Variants in TTC7B observed in about 807,000 individuals in gnomAD.
The protein encoded by TTC7B is tetratricopeptide repeat domain 7B, also known as tetratricopeptide repeat protein 7B.
In TTC7B, 28 loss-of-function variants were observed where a neutral mutation model predicts 106.8. The observed-to-expected ratio is 0.26, with a 90% CI of 0.19 to 0.36. The LOEUF (loss-of-function observed/expected upper bound fraction) is 0.36, where lower values mean the gene tolerates loss of function less well. Among genes scored for constraint, TTC7B ranks in the 10% least tolerant of loss-of-function variants. The probability of loss-of-function intolerance (pLI) is 1.00; values close to 1 mark genes in which losing one functional copy is unlikely to be tolerated. For missense variants in TTC7B, 862 were observed against 1,076.4 expected (o/e 0.80, Z 2.79); for synonymous variants, 405 against 430.6 (o/e 0.94, Z 0.74).
intron 5 of TTC7B, among the ~76,000 whole-genome samples, chr14:90,711,441 C>T (rs375002735): frequency 3.3e-5 from 5 of 152,030 alleles, no homozygotes; most frequent in Non-Finnish European, 5.9e-5. Context: ...TTTTTTCTCC[C>T]GATGGAGTCT....
intron 15 of TTC7B, among the ~76,000 whole-genome samples, chr14:90,627,215 G>A (rs1484697517): frequency 6.6e-6 from 1 of 151,992 alleles, no homozygotes; most frequent in Non-Finnish European, 1.5e-5. Flanking sequence ...TGAACTCCCG[G>A]GCTCAAGAGA....
chr14:90,560,332 C>T (rs1337240635), intron 19 of TTC7B, among the ~76,000 whole-genome samples: 1 of 152,204 alleles, frequency 6.6e-6, no homozygotes, highest in African/African-American at 2.4e-5. Flanking sequence ...AAGGGACATA[C>T]TGGCATCAGC....
intron 19 of TTC7B, among the ~76,000 whole-genome samples, chr14:90,545,796 C>T (rs980378411): frequency 3.3e-5 from 5 of 152,222 alleles, no homozygotes; most frequent in Admixed American, 6.5e-5. Context: ...AGAGAACCAA[C>T]CCCGAGGGGC....
intron 9 of TTC7B, among the ~76,000 whole-genome samples, chr14:90,670,180 T>C (rs1489205641): frequency 1.3e-5 from 2 of 152,362 alleles, no homozygotes; most frequent in South Asian, 2.1e-4. Context: ...TTCTGATTAA[T>C]GCCATCAGAT....
rs1892732262 is a variant in TTC7B at position 90,608,329 on chromosome 14, G to A, written c.1966+2413C>T. On this transcript the variant is annotated intron_variant, in intron 17 of 19. Transcript: ENST00000328459. This position sits in a 1 kb window ranked among gnomAD's most constrained non-coding sequence, Gnocchi z 5.1. ...TGGCCTTCCATTTTTCTGATTCCCT[G>A]GTCTCTTGGTTAAATTGTCGGCGTG... Among the ~76,000 whole-genome samples, 1 of 152,094 alleles carries A rather than the reference G, an allele frequency of 6.6e-6. No individual in the cohort carries two copies. The highest frequency in any genetic ancestry group is 6.6e-5 in the Admixed American group (1 of 15,262).
intron 19 of TTC7B, among the ~76,000 whole-genome samples, chr14:90,567,059 T>TCCAGGG (rs1890830519): frequency 6.6e-6 from 1 of 152,190 alleles, no homozygotes; most frequent in Admixed American, 6.5e-5. Context: ...AGGGGTGGTC[T>TCCAGGG]CCAGGGCCAG....
intron 18 of TTC7B, among the ~76,000 whole-genome samples, chr14:90,589,307 C>T (rs566794778): frequency 4.1e-4 from 63 of 152,214 alleles, no homozygotes; most frequent in African/African-American, 1.5e-3. Flanking sequence ...GGTTCTGGGA[C>T]CTCCCTTGAA....
At chr14:90,592,814 C>T (rs1452003094) in intron 18 of TTC7B, among the ~76,000 whole-genome samples, 1 of 152,126 alleles carries the variant, frequency 6.6e-6, no homozygotes, top group African/African-American at 2.4e-5. Flanking sequence ...AAGGGGCACT[C>T]ATGCCCCCCT....
intron 1 of TTC7B, among the ~76,000 whole-genome samples, chr14:90,796,993 G>C (rs746739127): frequency 7.3e-5 from 11 of 150,960 alleles, no homozygotes; most frequent in Non-Finnish European, 3.0e-5. Flanking sequence ...TTACAGGCGC[G>C]CACCACCACA....
chr14:90,815,592 C>T (rs1023703254), intron 1 of TTC7B, among the ~76,000 whole-genome samples: 5 of 152,084 alleles, frequency 3.3e-5, no homozygotes, highest in Non-Finnish European at 5.9e-5. Context: ...GCTACTTCTC[C>T]GAACGCCAGG....
chr14:90,606,643 G>A (rs1232678205), intron 17 of TTC7B, among the ~76,000 whole-genome samples: 2 of 152,218 alleles, frequency 1.3e-5, no homozygotes, highest in Non-Finnish European at 2.9e-5. Flanking sequence ...GGACCTATGA[G>A]ATGGCAGAGG....
rs765652089 is a variant in TTC7B at position 90,541,323 on chromosome 14, G to A, written c.*45C>T. ...ATGGCACAAGCCCTGGTGCCCGGCA[G>A]GGCCTCTGAGGCCTGAGCGGCAGGT... On this transcript the variant is annotated 3_prime_UTR_variant, in exon 20 of 20. Transcript: ENST00000328459. 49 of 1,526,828 alleles carry A rather than the reference G, an allele frequency of 3.2e-5. No individual in the cohort carries two copies. The highest frequency in any genetic ancestry group is 7.6e-5 in the Admixed American group (4 of 52,662). The allele number at this position is 1,526,828 out of a possible 1,614,324, so 94.6% of individuals were successfully genotyped here.
At chr14:90,673,894 A>G (rs1277605453) in intron 9 of TTC7B, among the ~76,000 whole-genome samples, 1 of 151,400 alleles carries the variant, frequency 6.6e-6, no homozygotes, top group Non-Finnish European at 1.5e-5. Context: ...GTATCCATAG[A>G]AAAAAAAAGC....
At chr14:90,542,147 G>T (rs1889625932) in intron 19 of TTC7B, among the ~76,000 whole-genome samples, 1 of 152,172 alleles carries the variant, frequency 6.6e-6, no homozygotes, top group Non-Finnish European at 1.5e-5. Context: ...CACCATGTTA[G>T]CCAGGATGGT....
At chr14:90,573,675 C>T (rs932400814) in intron 19 of TTC7B, among the ~76,000 whole-genome samples, 2 of 152,082 alleles carry the variant, frequency 1.3e-5, no homozygotes, top group South Asian at 2.1e-4. Flanking sequence ...CGGTCCCTCT[C>T]GGCCCACAGG....
Position 90,629,275 on chromosome 14 carries a change from T to C in TTC7B, c.1752-11230A>G, listed in dbSNP as rs150232226. 7.2e-3 allele frequency among the ~76,000 whole-genome samples: 1,103 copies of C among 152,358 alleles called. 21 individuals carry two copies. The highest frequency in any genetic ancestry group is 0.025 in the African/African-American group (1,021 of 41,586). On this transcript the variant is annotated intron_variant, in intron 15 of 19. Transcript: ENST00000328459. Reference sequence around the variant, plus strand: ...TTCTTTTTTTTTAAATAGTAAACTTTCCTTACTTTAAAATGCAACCATTAC... The same window carrying C: ...TTCTTTTTTTTTAAATAGTAAACTTCCCTTACTTTAAAATGCAACCATTAC...
At chr14:90,648,961 C>T (rs1885595558) in intron 13 of TTC7B, 1 of 152,182 alleles carries the variant, frequency 6.6e-6, no homozygotes, top group East Asian at 1.9e-4. Flanking sequence ...TCATGGTTGC[C>T]TCTATGCAAT....
At chr14:90,717,303 C>A (rs1371715747) in intron 5 of TTC7B, among the ~76,000 whole-genome samples, 1 of 150,438 alleles carries the variant, frequency 6.6e-6, no homozygotes, top group African/African-American at 2.5e-5. Flanking sequence ...CGCACCCCTG[C>A]ACCCCAGCCT....
In TTC7B at chr14:90,624,954, C is replaced by T. The variant is rs751466566; in HGVS notation, c.1752-6909G>A. ...CAAAATGGCTGTGCAGAAAAGCATG[C>T]GGGATCTGCCCAAGCGGGGCAGCGG... is the stretch of plus-strand genomic sequence containing the variant. On this transcript the variant is annotated intron_variant, in intron 15 of 19. Transcript: ENST00000328459. The surrounding 1 kb of genome is among the most constrained non-coding windows in gnomAD (Gnocchi z 4.0). 1.3e-4 allele frequency among the ~76,000 whole-genome samples: 20 copies of T among 152,146 alleles called. No homozygotes were observed. The highest frequency in any genetic ancestry group is 3.9e-4 in the Admixed American group (6 of 15,268).
Sources: allele counts gnomAD v4.1 joint callset (sites outside exome capture counted in the v4.1 genomes callset), GRCh38; gene constraint gnomAD v4.1.1; non-coding constraint Gnocchi (gnomAD v3.1); transcripts MANE v1.5; gene names NCBI Gene and HGNC (gene_info 2026-07-23, HGNC 2026-07-21).